DBT: variants seen among roughly 807,000 people sequenced by gnomAD.
DBT encodes the protein lipoamide acyltransferase component of branched-chain alpha-keto acid dehydrogenase complex, mitochondrial.
In DBT, 40 loss-of-function variants were observed where a neutral mutation model predicts 51.3. The observed-to-expected ratio is 0.78, with a 90% CI of 0.61 to 1.02. DBT has a LOEUF of 1.02. Ranked by LOEUF, DBT falls within the 50% of genes least tolerant of loss-of-function variation. The pLI, the probability that DBT is intolerant of heterozygous loss-of-function variation, is 0.00. For synonymous variants in DBT, 181 were observed against 190.4 expected, an observed-to-expected ratio of 0.95 and a Z score of 0.41; for missense variants, 510 against 580.2, an observed-to-expected ratio of 0.88 and a Z score of 1.24.
intron 1 of DBT, among the ~76,000 whole-genome samples, chr1:100,243,068 C>T (rs1664315042): frequency 6.6e-6 from 1 of 151,668 alleles, no homozygotes; most frequent in South Asian, 2.1e-4. Flanking sequence ...GAGTTTGAGA[C>T]CAGCCTGGTC....
chr1:100,223,767 C>T (rs1015398724), intron 4 of DBT, among the ~76,000 whole-genome samples: 11 of 151,960 alleles, frequency 7.2e-5, no homozygotes, highest in Non-Finnish European at 1.2e-4. Context: ...TGCACATGGT[C>T]TAAACCACAT....
Position 100,230,885 on chromosome 1 carries a change from T to G in DBT, c.281A>C (p.Gln94Pro). Residue 94 changes from glutamine (Q) to proline (P), a missense_variant, in exon 4 of 11, where the codon CAG becomes CCG. Physicochemically the swap from Gln to Pro is moderately conservative, Grantham distance 76. Coordinates refer to ENST00000370132, the MANE Select transcript of DBT (RefSeq NM_001918.5). ...TTGAACTTCACAGATGCTATCAAACTGAGACACTGTATCTCCTTCTTTTAC... is the reference window on the plus strand; with the variant it reads ...TTGAACTTCACAGATGCTATCAAACGGAGACACTGTATCTCCTTCTTTTAC... ...WYVKEGDTVS[Q>P]FDSICEVQSD... 6.2e-7 allele frequency: 1 copy of G among 1,604,544 alleles called. No individual in the cohort carries two copies. The highest frequency in any genetic ancestry group is 8.5e-7 in the Non-Finnish European group (1 of 1,171,500).
chr1:100,230,582 C>G (rs779438548), intron 4 of DBT, 151 bp downstream of exon 4: 23 of 555,810 alleles, frequency 4.1e-5, no homozygotes, highest in Admixed American at 1.1e-4. Context: ...CCTTTTTTCA[C>G]GTTGAAAAGA....
Position 100,230,898 on chromosome 1 carries a change from C to G in DBT, c.268G>C (p.Asp90His), listed in dbSNP as rs1369264656. 1.3e-6 allele frequency: 2 copies of G among 1,598,094 alleles called. No individual in the cohort carries two copies. Among genetic ancestry groups the G allele is most frequent in the South Asian group, 1.1e-5 (1 of 90,740 alleles). ...TVKEWYVKEG[D>H]TVSQFDSICE... ...ATGCTATCAAACTGAGACACTGTAT[C>G]TCCTTCTTTTACATACCTAAAAGAA... Residue 90 changes from aspartate to histidine, a missense_variant, in exon 4 of 11, where the codon GAT becomes CAT. Coordinates refer to ENST00000370132, the MANE Select transcript of DBT (RefSeq NM_001918.5).
chr1:100,207,701 T>C (rs1372122496), intron 8 of DBT, among the ~76,000 whole-genome samples: 1 of 152,020 alleles, frequency 6.6e-6, no homozygotes, highest in African/African-American at 2.4e-5. Context: ...TTTTTTTAAA[T>C]TATGGCACAT....
At chr1:100,249,295 C>T in intron 1 of DBT, 1 of 235,138 alleles carries the variant, frequency 4.3e-6, no homozygotes, top group Non-Finnish European at 8.6e-6. Flanking sequence ...AGAGTGACGC[C>T]GAGCTGCTCA....
chr1:100,243,468 T>C (rs913866438), intron 1 of DBT, among the ~76,000 whole-genome samples: 2 of 151,730 alleles, frequency 1.3e-5, no homozygotes, highest in African/African-American at 2.4e-5. Flanking sequence ...GCATGTGCCA[T>C]CATGTCCAGC....
chr1:100,227,245 A>C (rs1663273447), intron 4 of DBT, among the ~76,000 whole-genome samples: 1 of 152,270 alleles, frequency 6.6e-6, no homozygotes, highest in African/African-American at 2.4e-5. Context: ...GTTATGCGAC[A>C]TATGACCATA....
rs373425218 is a variant in DBT at position 100,234,174 on chromosome 1, T to C, written c.251+1262A>G. 6.0e-4 allele frequency among the ~76,000 whole-genome samples: 92 copies of C among 152,318 alleles called. 1 individual carries two copies. In the South Asian group the frequency reaches 0.018, roughly 30 times the overall value. On this transcript the variant is annotated intron_variant, in intron 3 of 10. Coordinates refer to ENST00000370132, the MANE Select transcript of DBT (RefSeq NM_001918.5). The stretch of plus-strand genomic sequence containing the variant: ...ACAGAATTCAAGAAAGCTCTTAATA[T>C]TTCGCAAAGAACTTCTGAAAACTAA...
chr1:100,233,692 G>T (rs1267655124), intron 3 of DBT, among the ~76,000 whole-genome samples: 1 of 152,188 alleles, frequency 6.6e-6, no homozygotes, highest in South Asian at 2.1e-4. Flanking sequence ...AGGAGACAGG[G>T]TCATTTATAA....
intron 3 of DBT, 136 bp from the exon 4 acceptor site, chr1:100,231,050 T>C (rs1663529644): frequency 6.3e-6 from 4 of 634,796 alleles, no homozygotes; most frequent in Admixed American, 5.1e-5. Flanking sequence ...TACTAAGCAA[T>C]GTTTCAGAGA....
intron 10 of DBT, 43 bp from the exon 11 acceptor site, chr1:100,196,465 A>C (rs1267711086): frequency 3.1e-5 from 47 of 1,527,110 alleles, no homozygotes; most frequent in South Asian, 3.5e-5. Flanking sequence ...AAAAAGAACA[A>C]AGAGTAAACC....
chr1:100,246,775 A>G (rs566449026), intron 1 of DBT, among the ~76,000 whole-genome samples: 74 of 152,342 alleles, frequency 4.9e-4, no homozygotes, highest in Non-Finnish European at 9.0e-4. Flanking sequence ...AATGCACAGT[A>G]CAGTGAAAGG....
chr1:100,196,774 CAAT>C (rs1661134383), intron 10 of DBT: 6 of 224,940 alleles, frequency 2.7e-5, no homozygotes, highest in Admixed American at 2.6e-4. Context: ...GAGAGACAGA[CAAT>C]TAAATAAGGC....
chr1:100,222,443 C>T (rs1247629705), intron 4 of DBT, among the ~76,000 whole-genome samples: 2 of 152,212 alleles, frequency 1.3e-5, no homozygotes, highest in East Asian at 3.8e-4. Context: ...TATCCATCCT[C>T]TCTGAACTAA....
At chr1:100,210,793 C>A in intron 7 of DBT, 22 bp from the exon 8 acceptor site, 1 of 1,611,912 alleles carries the variant, frequency 6.2e-7, no homozygotes, top group Non-Finnish European at 8.5e-7. Context: ...AAAAAGAATG[C>A]AATTTTAGTA....
At chr1:100,226,058 T>A (rs1663187187) in intron 4 of DBT, among the ~76,000 whole-genome samples, 1 of 152,084 alleles carries the variant, frequency 6.6e-6, no homozygotes, top group South Asian at 2.1e-4. Context: ...ATAAATAACT[T>A]GCTTTTTTAG....
intron 10 of DBT, among the ~76,000 whole-genome samples, chr1:100,205,052 A>C (rs138787724): frequency 6.6e-6 from 1 of 152,328 alleles, no homozygotes; most frequent in East Asian, 1.9e-4. Context: ...ATAGGCAAAG[A>C]CTTCATGACT....
Position 100,200,004 on chromosome 1 carries a change from G to GT in DBT, c.1282-3583dup, listed in dbSNP as rs371888386. Among the ~76,000 whole-genome samples the GT allele has an allele frequency of 1.7e-4, 26 of 148,836 alleles. 1 individual carries two copies. Among genetic ancestry groups the GT allele is most frequent in the South Asian group, 1.5e-3 (7 of 4,704 alleles). ...CAGACACCAAGCTAGCTGCAGTTTTGTTTTTTTTTTCATACCCCAGTGATG... is the reference window on the plus strand; with the variant it reads ...CAGACACCAAGCTAGCTGCAGTTTTGTTTTTTTTTTTCATACCCCAGTGATG... On this transcript the variant is annotated intron_variant, in intron 10 of 10. Coordinates refer to ENST00000370132, the MANE Select transcript of DBT (RefSeq NM_001918.5).
Sources: allele counts gnomAD v4.1 joint callset (sites outside exome capture counted in the v4.1 genomes callset), GRCh38; gene constraint gnomAD v4.1.1; transcripts MANE v1.5; gene names NCBI Gene and HGNC (gene_info 2026-07-23, HGNC 2026-07-21).